Variants in NPL observed in about 807,000 individuals in gnomAD.
NPL encodes the protein N-acetylneuraminate pyruvate lyase, also known as N-acetylneuraminate lyase.
A neutral mutation model predicts 41.1 loss-of-function variants in NPL; 32 were observed. The ratio of observed to expected loss-of-function variants is 0.78; its 90% confidence interval spans 0.59 to 1.05. NPL has a LOEUF of 1.05. Ranked by LOEUF, NPL falls within the 50% of genes least tolerant of loss-of-function variation. NPL has a pLI of 0.00. For synonymous variants in NPL, 128 were observed against 134.9 expected (o/e 0.95, Z 0.35); for missense variants, 321 against 378.4 (o/e 0.85, Z 1.26).
intron 3 of NPL, 137 bp downstream of exon 3, chr1:182,794,576 C>G: frequency 6.1e-6 from 5 of 820,266 alleles, no homozygotes; most frequent in Non-Finnish European, 1.0e-5. Flanking sequence ...TCTGTCATCC[C>G]TCTGCACTGT....
chr1:182,828,107 T>C lies in NPL; in HGVS notation c.779-617T>C, dbSNP rs577577001. Among the ~76,000 whole-genome samples, 5 of 152,318 alleles carry C rather than the reference T, an allele frequency of 3.3e-5. No individual in the cohort carries two copies. Among genetic ancestry groups the C allele is most frequent in the African/African-American group, 9.6e-5 (4 of 41,574 alleles). On this transcript the variant is annotated intron_variant, in intron 12 of 12. Coordinates refer to ENST00000367553, the MANE Select transcript of NPL (RefSeq NM_030769.3). This position sits in a 1 kb window ranked among gnomAD's most constrained non-coding sequence, Gnocchi z 4.0. ...GCTTTCTTCTTTATCCCCAGACCAGTGGGCTGGGTTTTTTTCTATTGCTTT... is the reference window on the plus strand; with the variant it reads ...GCTTTCTTCTTTATCCCCAGACCAGCGGGCTGGGTTTTTTTCTATTGCTTT...
chr1:182,795,700 T>A (rs1666642353), intron 3 of NPL: 1 of 152,196 alleles, frequency 6.6e-6, no homozygotes, highest in Admixed American at 6.6e-5. Context: ...TAATAATAAT[T>A]TTTTTTCTGT....
intron 8 of NPL, among the ~76,000 whole-genome samples, chr1:182,817,550 T>C (rs1667367827): frequency 6.6e-6 from 1 of 152,200 alleles, no homozygotes; most frequent in South Asian, 2.1e-4. Context: ...TAGCACTGGA[T>C]CCCACAGGTT....
chr1:182,803,989 A>G lies in NPL; in HGVS notation c.142+218A>G, dbSNP rs534771418. Among the ~76,000 whole-genome samples the G allele has an allele frequency of 1.2e-3, 190 of 152,312 alleles. 1 individual carries two copies. In the Middle Eastern group the frequency reaches 0.031, roughly 25 times the overall value. On this transcript the variant is annotated intron_variant, in intron 4 of 12. Coordinates refer to ENST00000367553, the MANE Select transcript of NPL (RefSeq NM_030769.3). Reference sequence around the variant, plus strand: ...CTCATTTGATAGTGTGCCAACACTTAAGGTATTATTTTTTATCCCCATTTG... The same window carrying G: ...CTCATTTGATAGTGTGCCAACACTTGAGGTATTATTTTTTATCCCCATTTG...
rs1667683332 is a variant in NPL, at chr1:182,828,327, T to C, written c.779-397T>C. On this transcript the variant is annotated intron_variant, in intron 12 of 12. Transcript: ENST00000367553. This position sits in a 1 kb window ranked among gnomAD's most constrained non-coding sequence, Gnocchi z 4.0. ...CTAAATAAGCTTAAACTAAATTTCA[T>C]GCTGGCAATAAAGTCCTACCTCCTT... Among the ~76,000 whole-genome samples the C allele has an allele frequency of 6.6e-6, 1 of 152,206 alleles. No individual in the cohort carries two copies. Among genetic ancestry groups the C allele is most frequent in the Admixed American group, 6.5e-5 (1 of 15,280 alleles).
chr1:182,827,402 T>C (rs1006936938), intron 12 of NPL, among the ~76,000 whole-genome samples: 3 of 152,200 alleles, frequency 2.0e-5, no homozygotes, highest in African/African-American at 7.2e-5. Flanking sequence ...AAATTCTCTG[T>C]TATCTGTAAA....
At chr1:182,801,065 T>C (rs2102535295) in intron 3 of NPL, among the ~76,000 whole-genome samples, 1 of 152,294 alleles carries the variant, frequency 6.6e-6, no homozygotes, top group South Asian at 2.1e-4. Context: ...GCTTTTCAAA[T>C]ACTCATTTTT....
intron 5 of NPL, among the ~76,000 whole-genome samples, chr1:182,806,761 C>T (rs528391108): frequency 6.6e-6 from 1 of 152,302 alleles, no homozygotes; most frequent in Admixed American, 6.5e-5. Context: ...TTTTGTAACA[C>T]CCAATTCATG....
chr1:182,798,591 G>A (rs1666743856), intron 3 of NPL, among the ~76,000 whole-genome samples: 1 of 152,164 alleles, frequency 6.6e-6, no homozygotes, highest in African/African-American at 2.4e-5. Context: ...ACAGTCATTA[G>A]ACCAGAAAGT....
intron 3 of NPL, among the ~76,000 whole-genome samples, chr1:182,795,527 T>C (rs369080345): frequency 1.3e-5 from 2 of 152,330 alleles, no homozygotes; most frequent in East Asian, 1.9e-4. Context: ...AAATTTCTCA[T>C]GTCTTTTAGT....
chr1:182,814,550 G>A (rs2275174), intron 6 of NPL, among the ~76,000 whole-genome samples: 6,485 of 152,234 alleles, frequency 0.043, 224 homozygotes, highest in South Asian at 0.14. Context: ...TTTTTGTACT[G>A]ACAAAATATG....
chr1:182,813,013 C>A (rs572408425), intron 6 of NPL, among the ~76,000 whole-genome samples: 2 of 151,952 alleles, frequency 1.3e-5, no homozygotes, highest in Non-Finnish European at 2.9e-5. Flanking sequence ...ATTAGCCAGG[C>A]ATGGTGGTGG....
chr1:182,793,040 T>G (rs992239664), intron 2 of NPL, among the ~76,000 whole-genome samples: 4 of 152,236 alleles, frequency 2.6e-5, no homozygotes, highest in Non-Finnish European at 5.9e-5. Context: ...TTCTTGTTGG[T>G]CACCTACAGA....
At chr1:182,806,658 T>C (rs1667019345) in intron 5 of NPL, 1 of 1,079,130 alleles carries the variant, frequency 9.3e-7, no homozygotes, top group Non-Finnish European at 1.3e-6. Context: ...GACAGGTCTC[T>C]GTGCATCCAA....
intron 5 of NPL, among the ~76,000 whole-genome samples, chr1:182,806,961 C>G (rs973404882): frequency 6.6e-6 from 1 of 152,166 alleles, no homozygotes; most frequent in Admixed American, 6.5e-5. Context: ...GCCTCAGCCT[C>G]CCGAGTAGCT....
intron 3 of NPL, among the ~76,000 whole-genome samples, chr1:182,802,886 G>T (rs1291991063): frequency 1.3e-5 from 2 of 152,182 alleles, no homozygotes; most frequent in African/African-American, 4.8e-5. Flanking sequence ...GATTCTAACT[G>T]GGCCGGACTG....
intron 3 of NPL, among the ~76,000 whole-genome samples, chr1:182,802,891 G>A (rs371434158): frequency 8.1e-4 from 123 of 152,296 alleles, no homozygotes; most frequent in Middle Eastern, 3.4e-3. Flanking sequence ...TAACTGGGCC[G>A]GACTGTGTGG....
At chr1:182,824,665 C>T (rs1247796926) in intron 11 of NPL, among the ~76,000 whole-genome samples, 3 of 151,912 alleles carry the variant, frequency 2.0e-5, no homozygotes, top group Non-Finnish European at 4.4e-5. Flanking sequence ...GGCGTGGTGG[C>T]GGGCGCCTGT....
chr1:182,816,647 C>T, intron 7 of NPL, 67 bp from the exon 8 acceptor site: 1 of 1,149,754 alleles, frequency 8.7e-7, no homozygotes, highest in South Asian at 1.3e-5. Context: ...AGATGATTCT[C>T]TTTTTTACCA....
Sources: gnomAD v4.1 joint callset for allele counts (sites outside exome capture counted in the v4.1 genomes callset) on GRCh38, gnomAD v4.1.1 for gene constraint, Gnocchi (gnomAD v3.1) non-coding constraint, MANE v1.5 for transcripts, NCBI Gene and HGNC (gene_info 2026-07-23, HGNC 2026-07-21) for gene names.